The following SDC2 variants were observed in gnomAD, a reference collection of about 807,000 sequenced individuals.
SDC2 encodes the protein syndecan 2, also known as syndecan-2.
Under a neutral mutation model 22.2 loss-of-function variants are expected in SDC2, and 13 were observed. The ratio of observed to expected loss-of-function variants is 0.59; its 90% CI spans 0.38 to 0.93. SDC2 has a LOEUF of 0.93. SDC2 is among the 40% of genes least tolerant of loss of function. SDC2 has a pLI of 0.00. For synonymous variants in SDC2, 94 were observed against 92.8 expected (o/e 1.01, Z -0.07); for missense variants, 235 against 246.8 (o/e 0.95, Z 0.32).
chr8:96,595,554 A>G (rs1302213078), intron 2 of SDC2, among the ~76,000 whole-genome samples: 3 of 151,898 alleles, frequency 2.0e-5, no homozygotes, highest in African/African-American at 4.8e-5. Context: ...GTCATCTTCA[A>G]TATGTCCCAG....
intron 3 of SDC2, among the ~76,000 whole-genome samples, chr8:96,603,975 T>G (rs973639735): frequency 6.6e-6 from 1 of 152,198 alleles, no homozygotes; most frequent in Non-Finnish European, 1.5e-5. Context: ...AAATGAAAAG[T>G]GCAGGTGCAA....
chr8:96,554,916 G>A lies in SDC2; in HGVS notation c.61-38564G>A, dbSNP rs567220053. On this transcript the variant is annotated intron_variant, in intron 1 of 4. Coordinates refer to ENST00000302190, the MANE Select transcript of SDC2 (RefSeq NM_002998.4). ...TGTGGGCCCAGCTCCTCCCTCCAGGGGCCTTTCTTTGCAGAAGCTGCTCTT... is the reference window on the plus strand; with the variant it reads ...TGTGGGCCCAGCTCCTCCCTCCAGGAGCCTTTCTTTGCAGAAGCTGCTCTT... 8.5e-5 allele frequency among the ~76,000 whole-genome samples: 13 copies of A among 152,090 alleles called. 1 individual carries two copies. The South Asian group carries it at 2.7e-3, about 32-fold the overall frequency.
chr8:96,570,376 A>G (rs1814373232), intron 1 of SDC2, among the ~76,000 whole-genome samples: 2 of 152,252 alleles, frequency 1.3e-5, no homozygotes, highest in South Asian at 2.1e-4. Context: ...ACATTTGTCT[A>G]GAAATATTTA....
chr8:96,493,918 C>CA lies in SDC2; in HGVS notation c.-353dup, dbSNP rs1813002446. On this transcript the variant is annotated 5_prime_UTR_variant, in exon 1 of 5. Coordinates refer to ENST00000302190, the MANE Select transcript of SDC2 (RefSeq NM_002998.4). ...AGCCAGCGAATTTATTCCTTAAAACCAGAAACTGAACCTCGGCACGGGAAA... is the reference window on the plus strand; with the variant it reads ...AGCCAGCGAATTTATTCCTTAAAACCAAGAAACTGAACCTCGGCACGGGAAA... The CA allele has an allele frequency of 3.4e-6, 1 of 295,224 alleles. No homozygotes were observed. Among genetic ancestry groups the CA allele is most frequent in the East Asian group, 7.2e-5 (1 of 13,950 alleles). The allele number at this position is 295,224 out of a possible 1,614,324, so 18.3% of individuals were successfully genotyped here. A position where few individuals can be genotyped will look rare whatever the true frequency, so the allele number is the denominator to read the frequency against.
At chr8:96,537,481 G>A (rs1299592265) in intron 1 of SDC2, 2 of 38,400 alleles carry the variant, frequency 5.2e-5, no homozygotes, top group African/African-American at 1.5e-4. Context: ...TATACTTAAG[G>A]GACCACACGC....
At chr8:96,575,678 C>T (rs988097007) in intron 1 of SDC2, among the ~76,000 whole-genome samples, 1 of 152,100 alleles carries the variant, frequency 6.6e-6, no homozygotes, top group Non-Finnish European at 1.5e-5. Flanking sequence ...CACTTCCCCC[C>T]ACTCACTTGT....
At chr8:96,572,846 T>G (rs1814419142) in intron 1 of SDC2, among the ~76,000 whole-genome samples, 1 of 152,242 alleles carries the variant, frequency 6.6e-6, no homozygotes, top group African/African-American at 2.4e-5. Flanking sequence ...TAGGTTTATA[T>G]GAAGGTGGGG....
At chr8:96,558,855 C>G (rs1200854733) in intron 1 of SDC2, among the ~76,000 whole-genome samples, 1 of 152,042 alleles carries the variant, frequency 6.6e-6, no homozygotes, top group Non-Finnish European at 1.5e-5. Flanking sequence ...TCATTCCAAA[C>G]AAACTCACAG....
chr8:96,576,379 G>GTTTTTTTTTTTTTTTTT (rs1365620450), intron 1 of SDC2, among the ~76,000 whole-genome samples: 4 of 47,570 alleles, frequency 8.4e-5, no homozygotes, highest in Admixed American at 2.6e-4. Flanking sequence ...TTTTTGTTTT[G>GTTTTTTTTTTTTTTTTT]TTTTGTTTTT....
chr8:96,565,097 T>TTTTTTTTTTTTTTTTTTTTTTTG (rs1329448270), intron 1 of SDC2, among the ~76,000 whole-genome samples: 5 of 128,666 alleles, frequency 3.9e-5, no homozygotes, highest in African/African-American at 1.6e-4. Flanking sequence ...TTTTTTTTTT[T>TTTTTTTTTTTTTTTTTTTTTTTG]TTGTTGAGAT....
chr8:96,526,147 C>T (rs931450044), intron 1 of SDC2, among the ~76,000 whole-genome samples: 1 of 152,118 alleles, frequency 6.6e-6, no homozygotes, highest in African/African-American at 2.4e-5. Flanking sequence ...CCTGATATTT[C>T]GGTCCTGTGG....
intron 1 of SDC2, among the ~76,000 whole-genome samples, chr8:96,540,851 A>G: frequency 6.6e-6 from 1 of 152,190 alleles, no homozygotes; most frequent in East Asian, 1.9e-4. Context: ...ATTTCAGTTC[A>G]CATAGGGCCA....
At chr8:96,522,801 G>GT (rs752485759) in intron 1 of SDC2, among the ~76,000 whole-genome samples, 16 of 152,316 alleles carry the variant, frequency 1.1e-4, no homozygotes, top group Non-Finnish European at 1.5e-4. Context: ...GATGTAAGGT[G>GT]TAAAATAAAT....
intron 1 of SDC2, among the ~76,000 whole-genome samples, chr8:96,521,720 T>A (rs1813500843): frequency 6.6e-6 from 1 of 152,236 alleles, no homozygotes; most frequent in African/African-American, 2.4e-5. Flanking sequence ...AACAAGATCC[T>A]CAGCTTTCTT....
chr8:96,589,299 G>A (rs1332044559), intron 1 of SDC2, among the ~76,000 whole-genome samples: 2 of 152,168 alleles, frequency 1.3e-5, no homozygotes, highest in African/African-American at 4.8e-5. Context: ...CTGGGGTTTG[G>A]GTAGAGGAAG....
chr8:96,540,466 G>A lies in SDC2; in HGVS notation c.60+46135G>A, dbSNP rs1356094901. ...TGGAGGTTGCAGTGAGCCAAGATCCGAGCTACTGCACTCCAACCTGGGTGA... is the reference window on the plus strand; with the variant it reads ...TGGAGGTTGCAGTGAGCCAAGATCCAAGCTACTGCACTCCAACCTGGGTGA... On this transcript the variant is annotated intron_variant, in intron 1 of 4. Transcript: ENST00000302190. Among the ~76,000 whole-genome samples, 8 of 92,918 alleles carry A rather than the reference G, an allele frequency of 8.6e-5. No individual in the cohort carries two copies. The East Asian group carries it at 1.8e-3, about 20-fold the overall frequency. 61.0% of individuals were successfully genotyped at this position (92,918 alleles called of 152,430 possible).
chr8:96,493,951 G>T lies in SDC2; in HGVS notation c.-321G>T, dbSNP rs1288195570. On this transcript the variant is annotated 5_prime_UTR_variant, in exon 1 of 5. Transcript: ENST00000302190. ...GAACCTCGGCACGGGAAAGGAGTCC[G>T]CGGAGGAGCAAAACCACAGCAGAGC... 2.5e-6 allele frequency: 1 copy of T among 398,734 alleles called. No individual in the cohort carries two copies. The highest frequency in any genetic ancestry group is 2.1e-5 in the African/African-American group (1 of 47,222). 24.7% of individuals were successfully genotyped at this position (398,734 alleles called of 1,614,324 possible).
chr8:96,565,380 C>G (rs969775273), intron 1 of SDC2, among the ~76,000 whole-genome samples: 67 of 152,104 alleles, frequency 4.4e-4, no homozygotes, highest in African/African-American at 1.6e-3. Flanking sequence ...CCACCGCACC[C>G]AACCCCTAAA....
At chr8:96,587,159 G>A (rs1311718862) in intron 1 of SDC2, among the ~76,000 whole-genome samples, 1 of 152,088 alleles carries the variant, frequency 6.6e-6, no homozygotes, top group Non-Finnish European at 1.5e-5. Context: ...CCTGACCTCA[G>A]GTGATCTGCC....
Sources: allele counts gnomAD v4.1 joint callset (sites outside exome capture counted in the v4.1 genomes callset), GRCh38; gene constraint gnomAD v4.1.1; transcripts MANE v1.5; gene names NCBI Gene and HGNC (gene_info 2026-07-23, HGNC 2026-07-21).